TRIL: variants seen among roughly 807,000 people sequenced by gnomAD.
TRIL encodes the protein TLR4 interactor with leucine rich repeats.
Under a neutral mutation model 43.0 loss-of-function variants are expected in TRIL, and 23 were observed. The observed-to-expected ratio is 0.54, with a 90% confidence interval of 0.39 to 0.76. TRIL has a LOEUF of 0.76. TRIL is among the 30% of genes least tolerant of loss of function. TRIL has a pLI of 0.00. For synonymous variants in TRIL, 602 were observed against 556.8 expected, an observed-to-expected ratio of 1.08 and a Z score of -1.14; for missense variants, 1,114 against 1,139.3, an observed-to-expected ratio of 0.98 and a Z score of 0.32.
Position 28,957,849 on chromosome 7 carries a change from G to C in TRIL, c.198C>G (p.Leu66=). Residue 66 remains leucine (L), a synonymous_variant, in exon 1 of 1, where the codon CTC becomes CTG. Coordinates refer to ENST00000539664, the MANE Select transcript of TRIL (RefSeq NM_014817.4). The stretch of plus-strand genomic sequence containing the variant: ...TGATGTTGGTTATGAAGTTGCCGCC[G>C]AGGCTGTAGGTGAGCACGTCGTGGG... ...PSPHDVLTYS[L]GGNFITNITA... 1 of 1,613,800 alleles carries C rather than the reference G, an allele frequency of 6.2e-7. No homozygotes were observed. Among genetic ancestry groups the C allele is most frequent in the Non-Finnish European group, 8.5e-7 (1 of 1,179,768 alleles).
Position 28,956,753 on chromosome 7 carries a change from G to A in TRIL, c.1294C>T (p.Leu432=), listed in dbSNP as rs1347828749. The change falls in exon 1 of 1, where the codon CTA becomes TTA. Residue 432 remains leucine (L), a synonymous_variant. Transcript: ENST00000539664. ...SLTADRRRQP[L]PTAAGEEMTP... The stretch of plus-strand genomic sequence containing the variant: ...ATCTCCTCCCCTGCGGCCGTGGGTA[G>A]GGGCTGCCGCCTGCGGTCAGCGGTC... The A allele has an allele frequency of 3.7e-6, 6 of 1,607,406 alleles. No homozygotes were observed. Among genetic ancestry groups the A allele is most frequent in the Non-Finnish European group, 5.1e-6 (6 of 1,179,262 alleles).
At position 28,956,072 on chromosome 7, in the gene TRIL, C is replaced by G; in HGVS notation, c.1975G>C (p.Val659Leu). The change falls in exon 1 of 1, where the codon GTG becomes CTG. Residue 659 changes from valine (V) to leucine (L), a missense_variant. Physicochemically the swap from Val to Leu is conservative, Grantham distance 32. Transcript: ENST00000539664. ...RELRGDTPYL[V>L]CVEGVLGGRV... ...CCCCCAAGCACGCCCTCCACGCACACCAGGTAGGGGGTGTCCCCGCGCAGC... is the reference window on the plus strand; with the variant it reads ...CCCCCAAGCACGCCCTCCACGCACAGCAGGTAGGGGGTGTCCCCGCGCAGC... 2 of 1,553,106 alleles carry G rather than the reference C, an allele frequency of 1.3e-6. No individual in the cohort carries two copies. Among genetic ancestry groups the G allele is most frequent in the Non-Finnish European group, 1.7e-6 (2 of 1,152,184 alleles).
Position 28,957,450 on chromosome 7 carries a change from G to T in TRIL, c.597C>A (p.Phe199Leu), listed in dbSNP as rs1183696831. Residue 199 changes from phenylalanine (F) to leucine (L), a missense_variant, in exon 1 of 1, where the codon TTC becomes TTA. Transcript: ENST00000539664. Reference protein sequence around the residue: ...NRIRFLGKNAFAQLGKLRFLN... With the variant: ...NRIRFLGKNALAQLGKLRFLN... ...GGAAGCGCAGCTTGCCTAGCTGGGC[G>T]AAGGCGTTCTTGCCCAGAAAGCGGA... is the stretch of plus-strand genomic sequence containing the variant. 1.2e-6 allele frequency: 2 copies of T among 1,613,378 alleles called. No individual in the cohort carries two copies. The highest frequency in any genetic ancestry group is 2.2e-5 in the East Asian group (1 of 44,876).
rs754904946 is a variant in TRIL, at chr7:28,957,382, G to A, written c.665C>T (p.Ala222Val). The A allele has an allele frequency of 6.2e-7, 1 of 1,613,456 alleles. No homozygotes were observed. Among genetic ancestry groups the A allele is most frequent in the Non-Finnish European group, 8.5e-7 (1 of 1,179,852 alleles). Residue 222 changes from alanine to valine, a missense_variant, in exon 1 of 1, where the codon GCG (alanine) becomes GTG (valine). By Grantham distance (64) the Ala-to-Val change is moderately conservative. Transcript: ENST00000539664. ...ANELQPSLRH[A>V]ATFAPLRSLS... ...GGAGCGCAGCGGTGCGAAGGTGGCC[G>A]CGTGGCGCAGGGAGGGCTGTAGCTC...
In TRIL at chr7:28,957,729, G is replaced by A. The variant is rs1783430388; in HGVS notation, c.318C>T (p.Leu106=). 6.2e-7 allele frequency: 1 copy of A among 1,613,408 alleles called. No homozygotes were observed. Among genetic ancestry groups the A allele is most frequent in the Non-Finnish European group, 8.5e-7 (1 of 1,179,630 alleles). The change falls in exon 1 of 1, where the codon CTC becomes CTT. Residue 106 remains leucine (L), a synonymous_variant. Coordinates refer to ENST00000539664, the MANE Select transcript of TRIL (RefSeq NM_014817.4). ...CCAGGTACAGCTCTTCCAGCCGCGA[G>A]AGCTTCTCGAAGGTCTTGGGGTGCA... ...RSLHPKTFEK[L]SRLEELYLGN...
In TRIL at chr7:28,958,139, T is replaced by C. The variant is rs1783440176; in HGVS notation, c.-93A>G. The C allele has an allele frequency of 7.1e-7, 1 of 1,414,396 alleles. No individual in the cohort carries two copies. Among genetic ancestry groups the C allele is most frequent in the Non-Finnish European group, 9.3e-7 (1 of 1,080,262 alleles). The allele number at this position is 1,414,396 out of a possible 1,614,324, so 87.6% of individuals were successfully genotyped here. On this transcript the variant is annotated 5_prime_UTR_variant, in exon 1 of 1. Transcript: ENST00000539664. Reference sequence around the variant, plus strand: ...TTCCCCTTAGCCTGGCCAGAGTCGCTAAATGGCCTCTTTCGGACTTCGCAG... The same window carrying C: ...TTCCCCTTAGCCTGGCCAGAGTCGCCAAATGGCCTCTTTCGGACTTCGCAG...
chr7:28,956,373 C>T lies in TRIL; in HGVS notation c.1674G>A (p.Glu558=), dbSNP rs1231295938. The change falls in exon 1 of 1, where the codon GAG becomes GAA. Residue 558 remains glutamate (E), a synonymous_variant. Coordinates refer to ENST00000539664, the MANE Select transcript of TRIL (RefSeq NM_014817.4). ...CGGACTGGGCGGCACGCTCCTGGTG[C>T]TCCGTGCCCAGACGATGCTTCGTCG... ...QRATKHRLGT[E]HQERAAQSDG... 13 of 1,532,838 alleles carry T rather than the reference C, an allele frequency of 8.5e-6. No individual in the cohort carries two copies. Among genetic ancestry groups the T allele is most frequent in the Admixed American group, 3.9e-5 (2 of 50,840 alleles). The allele number at this position is 1,532,838 out of a possible 1,614,324, so 95.0% of individuals were successfully genotyped here. A position where few individuals can be genotyped will look rare whatever the true frequency, so the allele number is the denominator to read the frequency against.
chr7:28,955,805 G>A lies in TRIL; in HGVS notation c.2242C>T (p.Leu748=), dbSNP rs1384579666. ...GACACGCCGGTGCCCATGGAGCGCAGGGGCCGTCGGGTGGAGTACATGTGC... is the reference window on the plus strand; with the variant it reads ...GACACGCCGGTGCCCATGGAGCGCAAGGGCCGTCGGGTGGAGTACATGTGC... ...VRHMYSTRRP[L]RSMGTGVSAD... is the part of the protein sequence containing the mutation. Residue 748 remains leucine (L), a synonymous_variant, in exon 1 of 1, where the codon CTG becomes TTG. Transcript: ENST00000539664. 10 of 1,549,892 alleles carry A rather than the reference G, an allele frequency of 6.5e-6. No individual in the cohort carries two copies. The highest frequency in any genetic ancestry group is 3.5e-6 in the Non-Finnish European group (4 of 1,146,780).
chr7:28,957,485 A>T lies in TRIL; in HGVS notation c.562T>A (p.Ser188Thr), dbSNP rs1376607449. Residue 188 changes from serine (S) to threonine (T), a missense_variant, in exon 1 of 1, where the codon TCC becomes ACC. Coordinates refer to ENST00000539664, the MANE Select transcript of TRIL (RefSeq NM_014817.4). ...TTGCCCAGAAAGCGGATCCGGTTGG[A>T]CTCCAGATGTAGGTAGAGCAGGTTG... is the stretch of plus-strand genomic sequence containing the variant. ...LGNLLYLHLESNRIRFLGKNA... is the reference protein window; with the variant it reads ...LGNLLYLHLETNRIRFLGKNA... 1.2e-6 allele frequency: 2 copies of T among 1,612,882 alleles called. No individual in the cohort carries two copies. Among genetic ancestry groups the T allele is most frequent in the African/African-American group, 2.7e-5 (2 of 74,792 alleles).
At position 28,956,627 on chromosome 7, in the gene TRIL, C is replaced by A. The variant is rs189326309; in HGVS notation, c.1420G>T (p.Glu474Ter). The change falls in exon 1 of 1, where the codon GAG becomes TAG. Residue 474 changes from glutamate to a stop codon, truncating the protein, a stop_gained. Transcript: ENST00000539664. LOFTEE classifies it high-confidence loss of function. ...AGVAWDGAAR[E>*]LVGNRSALRL... ...AGGGCGCTGCGGTTGCCTACCAGCT[C>A]CCTGGCGGCCCCATCCCAGGCCACC... is the stretch of plus-strand genomic sequence containing the variant. 3 of 1,564,478 alleles carry A rather than the reference C, an allele frequency of 1.9e-6. No homozygotes were observed. Among genetic ancestry groups the A allele is most frequent in the Non-Finnish European group, 1.7e-6 (2 of 1,158,856 alleles).
Position 28,955,765 on chromosome 7 carries a change from C to T in TRIL, c.2282G>A (p.Gly761Glu). Residue 761 changes from glycine (G) to glutamate (E), a missense_variant, in exon 1 of 1, where the codon GGA becomes GAA. Coordinates refer to ENST00000539664, the MANE Select transcript of TRIL (RefSeq NM_014817.4). ...GGTGCGTGGCCGGTGCGACTGGAAT[C>T]CCGAGAAGTCGGCGGACACGCCGGT... ...MGTGVSADFS[G>E]FQSHRPRTTV... 1 of 1,550,368 alleles carries T rather than the reference C, an allele frequency of 6.5e-7. No individual in the cohort carries two copies. Among genetic ancestry groups the T allele is most frequent in the East Asian group, 2.4e-5 (1 of 40,900 alleles).
chr7:28,956,291 T>A lies in TRIL; in HGVS notation c.1756A>T (p.Ile586Phe). The change falls in exon 1 of 1, where the codon ATT (isoleucine) becomes TTT (phenylalanine). Residue 586 changes from isoleucine to phenylalanine, a missense_variant. By Grantham distance (21) the Ile-to-Phe change is conservative (BLOSUM62 0). Transcript: ENST00000539664. ...GCCTCCACCGTCAGGTTGCACAGAA[T>A]GAACTTGTTGAAGTCGCATGGGTCG... Reference protein sequence around the residue: ...VSDPCDFNKFILCNLTVEAVG... With the variant: ...VSDPCDFNKFFLCNLTVEAVG... 6.5e-7 allele frequency: 1 copy of A among 1,547,358 alleles called. No individual in the cohort carries two copies. Among genetic ancestry groups the A allele is most frequent in the Non-Finnish European group, 8.7e-7 (1 of 1,151,936 alleles).
In TRIL at chr7:28,957,525, G is replaced by C. The variant is rs6950750; in HGVS notation, c.522C>G (p.Val174=). 372,550 of 1,612,744 alleles carry C rather than the reference G, an allele frequency of 0.23. 46,919 individuals carry two copies. Among genetic ancestry groups the C allele is most frequent in the East Asian group, 0.57 (25,442 of 44,834 alleles). ...GNALGALPDA[V]FAPLGNLLYL... is the part of the protein sequence containing the mutation. ...AGAGCAGGTTGCCCAAGGGAGCGAA[G>C]ACCGCGTCCGGCAGCGCCCCCAGGG... Residue 174 remains valine, a synonymous_variant, in exon 1 of 1, where the codon GTC becomes GTG. Coordinates refer to ENST00000539664, the MANE Select transcript of TRIL (RefSeq NM_014817.4).
rs942458663 is a variant in TRIL at position 28,954,852 on chromosome 7, G to A, written c.*759C>T. 1 of 152,176 alleles carries A rather than the reference G, an allele frequency of 6.6e-6. No individual in the cohort carries two copies. Among genetic ancestry groups the A allele is most frequent in the East Asian group, 1.9e-4 (1 of 5,194 alleles). The allele number at this position is 152,176 out of a possible 1,614,324, so 9.4% of individuals were successfully genotyped here. A position where few individuals can be genotyped will look rare whatever the true frequency, so the allele number is the denominator to read the frequency against. ...CCCTGACAGAGAAGTCTTGCATGCA[G>A]CCTTCTCCTGAGAAAGTATGTAATC... On this transcript the variant is annotated 3_prime_UTR_variant, in exon 1 of 1. Coordinates refer to ENST00000539664, the MANE Select transcript of TRIL (RefSeq NM_014817.4).
rs1019972486 is a variant in TRIL at position 28,955,763 on chromosome 7, A to T, written c.2284T>A (p.Phe762Ile). The T allele has an allele frequency of 3.7e-5, 58 of 1,550,348 alleles. No homozygotes were observed. Among genetic ancestry groups the T allele is most frequent in the Non-Finnish European group, 4.9e-5 (56 of 1,146,868 alleles). ...GTGVSADFSG[F>I]QSHRPRTTVC... ...GTGGTGCGTGGCCGGTGCGACTGGA[A>T]TCCCGAGAAGTCGGCGGACACGCCG... is the stretch of plus-strand genomic sequence containing the variant. Residue 762 changes from phenylalanine to isoleucine, a missense_variant, in exon 1 of 1, where the codon TTC (phenylalanine) becomes ATC (isoleucine). Coordinates refer to ENST00000539664, the MANE Select transcript of TRIL (RefSeq NM_014817.4).
chr7:28,955,602 G>A lies in TRIL; in HGVS notation c.*9C>T, dbSNP rs1330132655. 1 of 1,528,840 alleles carries A rather than the reference G, an allele frequency of 6.5e-7. No individual in the cohort carries two copies. Among genetic ancestry groups the A allele is most frequent in the Admixed American group, 2.0e-5 (1 of 50,316 alleles). The allele number at this position is 1,528,840 out of a possible 1,614,324, so 94.7% of individuals were successfully genotyped here. A position where few individuals can be genotyped will look rare whatever the true frequency, so the allele number is the denominator to read the frequency against. On this transcript the variant is annotated 3_prime_UTR_variant, in exon 1 of 1. Transcript: ENST00000539664. ...AGGGCCAATGAGATGGTCTCTATAT[G>A]CCCTGGACCTAGTCGGCAAATCGCT...
Position 28,957,284 on chromosome 7 carries a change from G to C in TRIL, c.763C>G (p.Leu255Val). The C allele has an allele frequency of 6.2e-7, 1 of 1,611,076 alleles. No individual in the cohort carries two copies. Among genetic ancestry groups the C allele is most frequent in the African/African-American group, 1.3e-5 (1 of 75,060 alleles). ...GPRIFQHLPRLGLLSLRGNQL... is the reference protein window; with the variant it reads ...GPRIFQHLPRVGLLSLRGNQL... ...TTGCCCCTGAGCGAGAGCAGGCCGA[G>C]ACGTGGCAGGTGCTGGAAGATGCGC... is the stretch of plus-strand genomic sequence containing the variant. Residue 255 changes from leucine to valine, a missense_variant, in exon 1 of 1, where the codon CTC becomes GTC. Transcript: ENST00000539664.
In TRIL at chr7:28,954,433, A is replaced by G. The variant is rs1392611426; in HGVS notation, c.*1178T>C. On this transcript the variant is annotated 3_prime_UTR_variant, in exon 1 of 1. Coordinates refer to ENST00000539664, the MANE Select transcript of TRIL (RefSeq NM_014817.4). ...CAATCTTCTGGTTTTAGTAGAACAG[A>G]TACCCACTGGTGTATTTTTTTCACA... is the stretch of plus-strand genomic sequence containing the variant. 1 of 152,676 alleles carries G rather than the reference A, an allele frequency of 6.5e-6. No individual in the cohort carries two copies. Among genetic ancestry groups the G allele is most frequent in the African/African-American group, 2.4e-5 (1 of 41,466 alleles). The allele number at this position is 152,676 out of a possible 1,614,324, so 9.5% of individuals were successfully genotyped here. A position where few individuals can be genotyped will look rare whatever the true frequency, so the allele number is the denominator to read the frequency against.
chr7:28,956,233 G>C lies in TRIL; in HGVS notation c.1814C>G (p.Ala605Gly). The C allele has an allele frequency of 6.4e-7, 1 of 1,552,576 alleles. No individual in the cohort carries two copies. ...CCGGGGACTGCGGTGCTCGCGCACG[G>C]CCCAGCGCACCGAGGCGCTGTCTGC... ...VGADSASVRW[A>G]VREHRSPRPL... Residue 605 changes from alanine (A) to glycine (G), a missense_variant, in exon 1 of 1, where the codon GCC becomes GGC. Ala to Gly is a moderately conservative substitution (Grantham distance 60). Transcript: ENST00000539664.
Sources: gnomAD v4.1 joint callset for allele counts on GRCh38, gnomAD v4.1.1 for gene constraint, MANE v1.5 for transcripts, NCBI Gene and HGNC (gene_info 2026-07-23, HGNC 2026-07-21) for gene names.